Variants in MBP observed in about 807,000 individuals in gnomAD.
MBP encodes the protein myelin basic protein, also known as Golli-MBP.
Under a neutral mutation model 35.8 loss-of-function variants are expected in MBP, and 16 were observed. That is an observed-to-expected ratio of 0.45 (90% CI 0.30 to 0.68). The LOEUF (loss-of-function observed/expected upper bound fraction) is 0.68. Ranked by LOEUF, MBP falls within the 30% of genes least tolerant of loss-of-function variation. The pLI is 0.08. For synonymous variants in MBP, 143 were observed against 159.6 expected, an observed-to-expected ratio of 0.90 and a Z score of 0.78; for missense variants, 380 against 404.7, an observed-to-expected ratio of 0.94 and a Z score of 0.52.
At chr18:77,052,832 C>G (rs1200939747) in intron 3 of MBP, among the ~76,000 whole-genome samples, 1 of 152,180 alleles carries the variant, frequency 6.6e-6, no homozygotes, top group Non-Finnish European at 1.5e-5. Flanking sequence ...CCACTCCTCT[C>G]CACTCAGCAG....
intron 2 of MBP, among the ~76,000 whole-genome samples, chr18:77,095,848 G>A (rs1347262733): frequency 5.9e-5 from 9 of 152,198 alleles, no homozygotes; most frequent in East Asian, 5.8e-4. Flanking sequence ...GTTCCTCAAC[G>A]TCAGCACCCG....
chr18:77,025,111 A>C (rs1361698498), intron 3 of MBP, among the ~76,000 whole-genome samples: 2 of 152,152 alleles, frequency 1.3e-5, no homozygotes, highest in Non-Finnish European at 2.9e-5. Flanking sequence ...TTAAGGTGGG[A>C]TTGATGGAGG....
chr18:77,099,889 T>C (rs1204337462), intron 2 of MBP, among the ~76,000 whole-genome samples: 1 of 152,288 alleles, frequency 6.6e-6, no homozygotes, highest in East Asian at 1.9e-4. Context: ...AGGTCTGCTG[T>C]CTCCTGAGGA....
chr18:77,094,525 G>A (rs572811978), intron 2 of MBP, among the ~76,000 whole-genome samples: 37 of 152,316 alleles, frequency 2.4e-4, no homozygotes, highest in African/African-American at 7.5e-4. Flanking sequence ...ACTCTCCCAC[G>A]TTGAGGTGAG....
chr18:77,129,275 G>C (rs1190218946), intron 1 of MBP, among the ~76,000 whole-genome samples: 1 of 152,228 alleles, frequency 6.6e-6, no homozygotes, highest in Non-Finnish European at 1.5e-5. Flanking sequence ...CATTCGGAAT[G>C]ACATTTTTAC....
intron 2 of MBP, among the ~76,000 whole-genome samples, chr18:77,070,188 C>G (rs58704082): frequency 2.0e-5 from 3 of 152,078 alleles, no homozygotes; most frequent in Non-Finnish European, 2.9e-5. Flanking sequence ...GGGGCTCAGA[C>G]TTACGAGAGG....
In MBP at chr18:77,078,753, G is replaced by A. The variant is rs144703346; in HGVS notation, c.52-12368C>T. ...GAGTTCCATCCCGTGCCCTGTGCTGGGGCTCTGCTCCTCTCTCCTGTCTTG... is the reference window on the plus strand; with the variant it reads ...GAGTTCCATCCCGTGCCCTGTGCTGAGGCTCTGCTCCTCTCTCCTGTCTTG... On this transcript the variant is annotated intron_variant, in intron 2 of 8. Coordinates refer to ENST00000355994, the MANE Select transcript of MBP (RefSeq NM_001025101.2). Among the ~76,000 whole-genome samples, 463 of 152,342 alleles carry A rather than the reference G, an allele frequency of 3.0e-3. 4 individuals carry two copies. The highest frequency in any genetic ancestry group is 0.01 in the African/African-American group (421 of 41,582).
rs1041411710 is a variant in MBP, at chr18:77,044,890, T to C, written c.139+21408A>G. Among the ~76,000 whole-genome samples the C allele has an allele frequency of 2.9e-4, 42 of 142,568 alleles. No individual in the cohort carries two copies. The highest frequency in any genetic ancestry group is 9.1e-4 in the African/African-American group (34 of 37,538). 93.5% of individuals were successfully genotyped at this position (142,568 alleles called of 152,430 possible). A position where few individuals can be genotyped will look rare whatever the true frequency, so the allele number is the denominator to read the frequency against. ...TTGTCTGTTGTATCCTGTGTGTAAG[T>C]GTGTGTGACTGTGTGAGTGTGTAAG... On this transcript the variant is annotated intron_variant, in intron 3 of 8. Coordinates refer to ENST00000355994, the MANE Select transcript of MBP (RefSeq NM_001025101.2). The surrounding 1 kb of genome is among the most constrained non-coding windows in gnomAD (Gnocchi z 4.4).
chr18:76,988,566 A>G lies in MBP; in HGVS notation c.718-39T>C. 6.3e-7 allele frequency: 1 copy of G among 1,595,428 alleles called. No homozygotes were observed. The highest frequency in any genetic ancestry group is 8.5e-7 in the Non-Finnish European group (1 of 1,169,862). On this transcript the variant is annotated intron_variant, in intron 6 of 8. Coordinates refer to ENST00000355994, the MANE Select transcript of MBP (RefSeq NM_001025101.2). This position sits in a 1 kb window ranked among gnomAD's most constrained non-coding sequence, Gnocchi z 5.2. ...ACAGAGAAATAATGACATGGTGGTC[A>G]GTGAAGGGAAAGTCCTTTCAATCAA...
chr18:77,028,734 T>C lies in MBP; in HGVS notation c.140-11466A>G, dbSNP rs1423475843. 2.2e-5 allele frequency among the ~76,000 whole-genome samples: 2 copies of C among 92,618 alleles called. 1 individual carries two copies. Among genetic ancestry groups the C allele is most frequent in the Non-Finnish European group, 5.6e-5 (2 of 35,408 alleles). The allele number at this position is 92,618 out of a possible 152,430, so 60.8% of individuals were successfully genotyped here. On this transcript the variant is annotated intron_variant, in intron 3 of 8. Transcript: ENST00000355994. ...CCCCTCACCTCCCGGACGGGGCGGCTGGCCAGGCGGGGGGCTGATCCCCCC... is the reference window on the plus strand; with the variant it reads ...CCCCTCACCTCCCGGACGGGGCGGCCGGCCAGGCGGGGGGCTGATCCCCCC...
intron 8 of MBP, chr18:76,982,471 T>C (rs1192633370): frequency 6.6e-6 from 1 of 152,236 alleles, no homozygotes; most frequent in Non-Finnish European, 1.5e-5. Context: ...AACATTCACA[T>C]GTATGTTCGT....
intron 3 of MBP, among the ~76,000 whole-genome samples, chr18:77,043,229 G>C (rs759987058): frequency 5.9e-5 from 9 of 152,000 alleles, no homozygotes; most frequent in Admixed American, 4.6e-4. Flanking sequence ...AATCACAATG[G>C]GCACTTACAA....
chr18:77,131,907 C>A lies in MBP; in HGVS notation c.-26+673G>T, dbSNP rs1019754901. Among the ~76,000 whole-genome samples the A allele has an allele frequency of 6.6e-6, 1 of 152,078 alleles. No individual in the cohort carries two copies. On this transcript the variant is annotated intron_variant, in intron 1 of 8. Transcript: ENST00000355994. This position sits in a 1 kb window ranked among gnomAD's most constrained non-coding sequence, Gnocchi z 5.5. ...CGCAGCGACGGGCCCGGCCGAAGAG[C>A]CCGAGACAGGCCCTGCGAAGGCGGA... is the stretch of plus-strand genomic sequence containing the variant.
At chr18:76,991,152 G>A (rs1280276250) in intron 4 of MBP, among the ~76,000 whole-genome samples, 1 of 152,196 alleles carries the variant, frequency 6.6e-6, no homozygotes, top group Non-Finnish European at 1.5e-5. Context: ...GCTTCTCAAA[G>A]TAAGTGTCTC....
At chr18:77,057,435 T>C (rs1473631223) in intron 3 of MBP, among the ~76,000 whole-genome samples, 2 of 152,200 alleles carry the variant, frequency 1.3e-5, no homozygotes, top group Admixed American at 6.5e-5. Flanking sequence ...TTGTGGCTTG[T>C]CTAGACAGGA....
chr18:77,009,730 G>A (rs772445240), intron 4 of MBP: 77 of 867,022 alleles, frequency 8.9e-5, no homozygotes, highest in Middle Eastern at 2.4e-4. Context: ...CAGATGCCCC[G>A]GAGGCTGGGG....
At chr18:77,033,374 C>T (rs1244975617) in intron 3 of MBP, among the ~76,000 whole-genome samples, 1 of 152,188 alleles carries the variant, frequency 6.6e-6, no homozygotes, top group Non-Finnish European at 1.5e-5. Context: ...ACTGATATAA[C>T]AGCTGGAGCT....
At chr18:77,115,050 C>A (rs1789092) in intron 1 of MBP, 40,720 of 152,218 alleles carry the variant, frequency 0.27, 6,016 homozygotes, top group South Asian at 0.38. Flanking sequence ...TTACAGGTCG[C>A]TGGGTTACAA....
At chr18:77,024,567 T>C (rs1358979031) in intron 3 of MBP, among the ~76,000 whole-genome samples, 1 of 152,254 alleles carries the variant, frequency 6.6e-6, no homozygotes, top group Non-Finnish European at 1.5e-5. Flanking sequence ...GAAACATGGA[T>C]GGCCAAGCGG....
Sources: allele counts gnomAD v4.1 joint callset (sites outside exome capture counted in the v4.1 genomes callset), GRCh38; gene constraint gnomAD v4.1.1; non-coding constraint Gnocchi (gnomAD v3.1); transcripts MANE v1.5; gene names NCBI Gene and HGNC (gene_info 2026-07-23, HGNC 2026-07-21).